Variants in COL6A6 observed in about 807,000 individuals in gnomAD.
COL6A6 encodes collagen alpha-6(VI) chain.
In COL6A6, 183 loss-of-function variants were observed where a neutral mutation model predicts 208.6. That is an observed-to-expected ratio of 0.88 (90% CI 0.78 to 0.99). COL6A6 has a LOEUF of 0.99. Ranked by LOEUF, COL6A6 falls within the 50% of genes least tolerant of loss-of-function variation. The pLI is 0.00. For missense variants in COL6A6, 2,816 were observed against 2,815.2 expected (o/e 1.00, Z -0.01); for synonymous variants, 973 against 1,011.8 (o/e 0.96, Z 0.73).
In COL6A6 at chr3:130,566,867, G is replaced by C. The variant is rs1213440910; in HGVS notation, c.1448G>C (p.Ser483Thr). ...GTTGGGGCCGTTCAGTATGCTGACA[G>C]CTGGGACTTGGAATTTGAGATCAAT... ...VRVGAVQYAD[S>T]WDLEFEINKY... The change falls in exon 5 of 37, where the codon AGC becomes ACC. Residue 483 changes from serine to threonine, a missense_variant. Transcript: ENST00000358511. The C allele has an allele frequency of 6.2e-7, 1 of 1,614,008 alleles. No homozygotes were observed. The highest frequency in any genetic ancestry group is 1.3e-5 in the African/African-American group (1 of 75,042).
chr3:130,673,850 G>A (rs2066293833), intron 36 of COL6A6, among the ~76,000 whole-genome samples: 1 of 152,004 alleles, frequency 6.6e-6, no homozygotes, highest in Non-Finnish European at 1.5e-5. Flanking sequence ...CCAGCCATTC[G>A]GGAGGCTGAG....
intron 23 of COL6A6, among the ~76,000 whole-genome samples, chr3:130,617,194 A>C (rs747670393): frequency 1.3e-5 from 2 of 152,140 alleles, no homozygotes; most frequent in Non-Finnish European, 2.9e-5. Context: ...ACATTTACTA[A>C]GTGCTGCTTG....
At chr3:130,674,853 G>A (rs530729241) in intron 36 of COL6A6, among the ~76,000 whole-genome samples, 1 of 152,284 alleles carries the variant, frequency 6.6e-6, no homozygotes, top group Admixed American at 6.5e-5. Context: ...ACTGTAAGTA[G>A]GAGTGGATCT....
chr3:130,541,415 G>GT (rs1446071754), intron 1 of COL6A6, among the ~76,000 whole-genome samples: 1 of 152,196 alleles, frequency 6.6e-6, no homozygotes, highest in African/African-American at 2.4e-5. Context: ...TTGCGTCCAA[G>GT]TTTAGGCAAT....
chr3:130,607,430 A>T (rs933841463), intron 21 of COL6A6, among the ~76,000 whole-genome samples: 16 of 152,252 alleles, frequency 1.1e-4, no homozygotes. Context: ...TTGGTGATAC[A>T]TTATATGTGT....
intron 19 of COL6A6, 111 bp from the exon 20 acceptor site, chr3:130,599,646 C>A: frequency 9.9e-7 from 1 of 1,006,334 alleles, no homozygotes; most frequent in Non-Finnish European, 1.5e-6. Context: ...AGGTAACTCT[C>A]TCATTGGTGT....
intron 20 of COL6A6, among the ~76,000 whole-genome samples, chr3:130,603,443 C>G (rs1473580946): frequency 6.6e-6 from 1 of 152,034 alleles, no homozygotes; most frequent in African/African-American, 2.4e-5. Context: ...GTTACCAGTG[C>G]TATGCTAGCA....
At chr3:130,664,875 GAT>G in intron 35 of COL6A6, 126 bp from the exon 36 acceptor site, 1 of 624,246 alleles carries the variant, frequency 1.6e-6, no homozygotes, top group Non-Finnish European at 2.9e-6. Context: ...CATTTCATGT[GAT>G]CACCTTAGTT....
At chr3:130,532,674 C>T (rs1458206453) in intron 1 of COL6A6, among the ~76,000 whole-genome samples, 2 of 152,178 alleles carry the variant, frequency 1.3e-5, no homozygotes, top group African/African-American at 4.8e-5. Flanking sequence ...CTTTATGCAC[C>T]AGTTATCTAA....
chr3:130,665,138 C>T (rs2066042539), intron 36 of COL6A6, 42 bp downstream of exon 36: 1 of 1,345,330 alleles, frequency 7.4e-7, no homozygotes, highest in African/African-American at 1.5e-5. Context: ...AGAATGCCCC[C>T]TGCCTTTCTT....
intron 23 of COL6A6, among the ~76,000 whole-genome samples, chr3:130,617,819 C>T (rs1336014277): frequency 1.3e-5 from 2 of 152,210 alleles, no homozygotes; most frequent in African/African-American, 4.8e-5. Flanking sequence ...TGTACCTCTT[C>T]TACCCTGCCT....
At chr3:130,619,357 GC>G (rs953968898) in intron 23 of COL6A6, among the ~76,000 whole-genome samples, 33 of 152,288 alleles carry the variant, frequency 2.2e-4, no homozygotes, top group Non-Finnish European at 4.1e-4. Context: ...AAATGGACCA[GC>G]TGAGGGAAAA....
intron 20 of COL6A6, among the ~76,000 whole-genome samples, chr3:130,601,504 G>A (rs1245041942): frequency 6.6e-6 from 1 of 152,158 alleles, no homozygotes; most frequent in Non-Finnish European, 1.5e-5. Context: ...GGTGTAGTCA[G>A]CTTATATACC....
chr3:130,622,013 T>C, intron 24 of COL6A6, 130 bp downstream of exon 24: 1 of 729,042 alleles, frequency 1.4e-6, no homozygotes, highest in South Asian at 1.8e-5. Flanking sequence ...CCTGGCTTGA[T>C]TCTTAGAGAG....
chr3:130,533,253 T>TA (rs59750509), intron 1 of COL6A6, among the ~76,000 whole-genome samples: 5,036 of 129,460 alleles, frequency 0.039, 283 homozygotes, highest in African/African-American at 0.12. Context: ...TCCCAGGAAT[T>TA]AAAAAAAAAA....
intron 20 of COL6A6, among the ~76,000 whole-genome samples, chr3:130,606,139 G>A (rs1022766798): frequency 6.6e-6 from 1 of 152,208 alleles, no homozygotes; most frequent in Non-Finnish European, 1.5e-5. Flanking sequence ...TTTCAATCAA[G>A]ACAATTCCGA....
intron 2 of COL6A6, among the ~76,000 whole-genome samples, chr3:130,560,885 T>C (rs887113259): frequency 1.6e-4 from 25 of 151,896 alleles, no homozygotes; most frequent in Non-Finnish European, 2.5e-4. Flanking sequence ...CTTCTGTCTG[T>C]TGGCAATCTC....
chr3:130,613,306 C>G (rs925838972), intron 23 of COL6A6, among the ~76,000 whole-genome samples: 1 of 152,062 alleles, frequency 6.6e-6, no homozygotes, highest in African/African-American at 2.4e-5. Flanking sequence ...TTGGCTTTGT[C>G]AAAGATCAGA....
chr3:130,537,128 T>C (rs1295666953), intron 1 of COL6A6, among the ~76,000 whole-genome samples: 2 of 152,258 alleles, frequency 1.3e-5, no homozygotes, highest in African/African-American at 4.8e-5. Context: ...CAGTTAATTA[T>C]TTTTTAGTGT....
Sources: gnomAD v4.1 joint callset for allele counts (sites outside exome capture counted in the v4.1 genomes callset) on GRCh38, gnomAD v4.1.1 for gene constraint, MANE v1.5 for transcripts, NCBI Gene and HGNC (gene_info 2026-07-23, HGNC 2026-07-21) for gene names.